MAML3: variants seen among roughly 807,000 people sequenced by gnomAD.
MAML3 encodes the protein mastermind like transcriptional coactivator 3, also known as mastermind-like protein 3.
Under a neutral mutation model 101.9 loss-of-function variants are expected in MAML3, and 27 were observed. The ratio of observed to expected loss-of-function variants is 0.27; its 90% CI spans 0.20 to 0.37. MAML3 has a LOEUF of 0.37. MAML3 is among the 10% of genes least tolerant of loss of function. The pLI is 1.00. For synonymous variants in MAML3, 501 were observed against 555.9 expected (o/e 0.90, Z 1.39); for missense variants, 1,316 against 1,444.9 (o/e 0.91, Z 1.45).
At chr4:139,944,033 A>C (rs1015774644) in intron 1 of MAML3, among the ~76,000 whole-genome samples, 1 of 151,638 alleles carries the variant, frequency 6.6e-6, no homozygotes, top group Non-Finnish European at 1.5e-5. Flanking sequence ...ACCACACCCG[A>C]CTAATATTTT....
chr4:139,719,125 T>C lies in MAML3; in HGVS notation c.*198A>G, dbSNP rs3822043. On this transcript the variant is annotated 3_prime_UTR_variant, in exon 5 of 5. Transcript: ENST00000509479. ...GATCTGCATGGCGTCTCATCTCGAT[T>C]GCTGTGTGAAAATCAGGTGAAATGA... 0.094 allele frequency: 55,616 copies of C among 594,492 alleles called. 3,223 individuals carry two copies. Among genetic ancestry groups the C allele is most frequent in the East Asian group, 0.21 (7,003 of 33,656 alleles). The allele number at this position is 594,492 out of a possible 1,614,324, so 36.8% of individuals were successfully genotyped here.
chr4:140,009,912 C>T (rs1726519347), intron 1 of MAML3, among the ~76,000 whole-genome samples: 1 of 152,168 alleles, frequency 6.6e-6, no homozygotes, highest in African/African-American at 2.4e-5. Context: ...CATTCTAGGA[C>T]TGGGCTTACC....
chr4:140,075,454 CAT>C (rs1727749538), intron 1 of MAML3, among the ~76,000 whole-genome samples: 1 of 152,208 alleles, frequency 6.6e-6, no homozygotes, highest in African/African-American at 2.4e-5. Flanking sequence ...CAATTTTCCT[CAT>C]AGAGCGTTAT....
chr4:139,763,512 G>A (rs553027310), intron 2 of MAML3, among the ~76,000 whole-genome samples: 4 of 152,288 alleles, frequency 2.6e-5, no homozygotes, highest in Admixed American at 2.6e-4. Flanking sequence ...AGAAAATGAT[G>A]CTTAGGTGTT....
Position 139,717,573 on chromosome 4 carries a change from C to T in MAML3, c.*1750G>A, listed in dbSNP as rs115361976. ...GAGCAGCTCTACAACCCCGGGTACG[C>T]GGAGAGCAAGTCAAAGGCAATGTTT... On this transcript the variant is annotated 3_prime_UTR_variant, in exon 5 of 5. Coordinates refer to ENST00000509479, the MANE Select transcript of MAML3 (RefSeq NM_018717.5). The T allele has an allele frequency of 1.8e-4, 27 of 152,434 alleles. No homozygotes were observed. Among genetic ancestry groups the T allele is most frequent in the Non-Finnish European group, 3.2e-4 (22 of 68,132 alleles). The allele number at this position is 152,434 out of a possible 1,614,324, so 9.4% of individuals were successfully genotyped here.
intron 2 of MAML3, among the ~76,000 whole-genome samples, chr4:139,736,294 G>C (rs1728943686): frequency 6.6e-6 from 1 of 152,204 alleles, no homozygotes; most frequent in Admixed American, 6.5e-5. Context: ...ACTATTGAAA[G>C]TTTTATTAGT....
intron 1 of MAML3, among the ~76,000 whole-genome samples, chr4:139,946,087 G>A (rs1467933322): frequency 2.0e-5 from 3 of 152,172 alleles, no homozygotes; most frequent in Admixed American, 2.0e-4. Flanking sequence ...CCTTGTGAAC[G>A]CTATCGCCCC....
intron 1 of MAML3, among the ~76,000 whole-genome samples, chr4:139,899,256 G>A (rs1399186256): frequency 6.6e-6 from 1 of 152,132 alleles, no homozygotes; most frequent in Non-Finnish European, 1.5e-5. Context: ...ATGTTCCTGA[G>A]TTGATTGGTG....
chr4:140,107,154 A>G (rs1183467673), intron 1 of MAML3, among the ~76,000 whole-genome samples: 1 of 152,166 alleles, frequency 6.6e-6, no homozygotes, highest in East Asian at 1.9e-4. Flanking sequence ...TACAGGCATG[A>G]GCCACTGCGC....
chr4:140,033,423 AC>A (rs201822902), intron 1 of MAML3, among the ~76,000 whole-genome samples: 1 of 87,884 alleles, frequency 1.1e-5, no homozygotes, highest in Non-Finnish European at 2.4e-5. Flanking sequence ...AAGAAGAGGT[AC>A]GGTATGGGAA....
chr4:139,866,757 A>G (rs1009701162), intron 2 of MAML3, among the ~76,000 whole-genome samples: 1 of 152,190 alleles, frequency 6.6e-6, no homozygotes, highest in Non-Finnish European at 1.5e-5. Flanking sequence ...GCAGTCGGCA[A>G]TTCCAGTTTG....
At chr4:139,984,867 C>G (rs1407987197) in intron 1 of MAML3, among the ~76,000 whole-genome samples, 1 of 152,194 alleles carries the variant, frequency 6.6e-6, no homozygotes, top group South Asian at 2.1e-4. Flanking sequence ...AATACCTTCA[C>G]AGCAACAGCT....
chr4:140,124,530 C>T (rs975560496), intron 1 of MAML3, among the ~76,000 whole-genome samples: 10 of 152,152 alleles, frequency 6.6e-5, no homozygotes, highest in Admixed American at 5.2e-4. Flanking sequence ...TTCTCTTAAG[C>T]GTCTGGAGAC....
chr4:139,732,472 T>C (rs1728763668), intron 2 of MAML3, among the ~76,000 whole-genome samples: 1 of 152,112 alleles, frequency 6.6e-6, no homozygotes, highest in Non-Finnish European at 1.5e-5. Context: ...GCTACTCCTC[T>C]TACCCTAGAA....
intron 1 of MAML3, among the ~76,000 whole-genome samples, chr4:139,896,636 T>C (rs1188335829): frequency 1.8e-5 from 1 of 54,144 alleles, no homozygotes; most frequent in African/African-American, 5.9e-5. Context: ...GTGTGTGGTA[T>C]GTGGTGTGTG....
In MAML3 at chr4:139,880,285, C is replaced by T. The variant is rs143713694; in HGVS notation, c.2079+9072G>A. On this transcript the variant is annotated intron_variant, in intron 2 of 4. Transcript: ENST00000509479. ...CTCTTAGCCTCATATTTCTAAAACT[C>T]TGACAGAATATCAGTTTCCAAAATA... is the stretch of plus-strand genomic sequence containing the variant. Among the ~76,000 whole-genome samples the T allele has an allele frequency of 2.3e-3, 341 of 151,312 alleles. 1 individual carries two copies. Among genetic ancestry groups the T allele is most frequent in the African/African-American group, 7.4e-3 (308 of 41,456 alleles).
At chr4:139,805,337 C>T (rs187462161) in intron 2 of MAML3, among the ~76,000 whole-genome samples, 2 of 152,246 alleles carry the variant, frequency 1.3e-5, no homozygotes, top group East Asian at 3.9e-4. Flanking sequence ...AGAAATAATA[C>T]CTTAAAATGG....
chr4:140,149,314 A>C (rs1729117242), intron 1 of MAML3, among the ~76,000 whole-genome samples: 1 of 152,192 alleles, frequency 6.6e-6, no homozygotes, highest in South Asian at 2.1e-4. Flanking sequence ...GTGCAGCTTC[A>C]AACCCAGGTC....
chr4:139,758,438 G>A (rs1397029654), intron 2 of MAML3, among the ~76,000 whole-genome samples: 2 of 151,990 alleles, frequency 1.3e-5, no homozygotes, highest in African/African-American at 2.4e-5. Context: ...GATTGTTATC[G>A]ATCTGTGTGT....
Sources: gnomAD v4.1 joint callset for allele counts (sites outside exome capture counted in the v4.1 genomes callset) on GRCh38, gnomAD v4.1.1 for gene constraint, MANE v1.5 for transcripts, NCBI Gene and HGNC (gene_info 2026-07-23, HGNC 2026-07-21) for gene names.